Variants in TMEM165 observed in about 807,000 individuals in gnomAD.
TMEM165 encodes transmembrane protein 165.
In TMEM165, 19 loss-of-function variants were observed where a neutral mutation model predicts 30.0. The observed-to-expected ratio is 0.63, with a 90% confidence interval of 0.44 to 0.93. The LOEUF (loss-of-function observed/expected upper bound fraction) is 0.93. Ranked by LOEUF, TMEM165 falls within the 40% of genes least tolerant of loss-of-function variation. TMEM165 has a pLI of 0.00. For synonymous variants in TMEM165, 168 were observed against 162.9 expected (o/e 1.03, Z -0.24); for missense variants, 340 against 417.0 (o/e 0.82, Z 1.61).
intron 3 of TMEM165, among the ~76,000 whole-genome samples, chr4:55,439,681 GGAAA>G (rs1243861177): frequency 6.6e-6 from 1 of 152,102 alleles, no homozygotes. Context: ...GCCTTAAAAA[GGAAA>G]GAAATTCTGA....
At chr4:55,428,028 G>A (rs1223439987), downstream of TMEM165, 1 of 152,156 alleles carries the variant, frequency 6.6e-6, no homozygotes, top group Non-Finnish European at 1.5e-5. Context: ...GAAAAACATA[G>A]CACTGAGGTA....
At chr4:55,435,625 T>C in intron 3 of TMEM165, 1 of 1,609,188 alleles carries the variant, frequency 6.2e-7, no homozygotes, top group Non-Finnish European at 8.5e-7. Flanking sequence ...GCAGCATTGC[T>C]TTACTCCCTT....
intron 3 of TMEM165, among the ~76,000 whole-genome samples, chr4:55,445,530 T>C (rs2109707651): frequency 6.6e-6 from 1 of 150,914 alleles, no homozygotes; most frequent in East Asian, 2.0e-4. Context: ...TTGGGTACTC[T>C]CCATCTACCT....
rs751885045 is a variant in TMEM165 at position 55,417,904 on chromosome 4, T to C, written c.711T>C (p.Phe237=). 2 of 1,614,196 alleles carry C rather than the reference T, an allele frequency of 1.2e-6. No individual in the cohort carries two copies. Among genetic ancestry groups the C allele is most frequent in the Non-Finnish European group, 1.7e-6 (2 of 1,180,024 alleles). Residue 237 remains phenylalanine (F), a synonymous_variant, in exon 4 of 6, where the codon TTT becomes TTC. Coordinates refer to ENST00000381334, the MANE Select transcript of TMEM165 (RefSeq NM_018475.5). ...KKWLHFISPI[F]VQALTLTFLA... ...GGTTGCATTTTATTTCACCCATTTTTGTTCAAGCTCTTACATTAACATTCT... is the reference window on the plus strand; with the variant it reads ...GGTTGCATTTTATTTCACCCATTTTCGTTCAAGCTCTTACATTAACATTCT...
At chr4:55,438,237 T>C in intron 3 of TMEM165, 1 of 1,607,038 alleles carries the variant, frequency 6.2e-7, no homozygotes, top group Non-Finnish European at 8.5e-7. Context: ...TTTCATTACA[T>C]GAAAGTAAAT....
At chr4:55,423,465 C>G (rs538463782) in intron 4 of TMEM165, 11 of 152,178 alleles carry the variant, frequency 7.2e-5, no homozygotes, top group African/African-American at 2.4e-4. Context: ...GGGTCTTGCT[C>G]TGTTGCCCAG....
chr4:55,404,960 C>G (rs1370878676), intron 1 of TMEM165, among the ~76,000 whole-genome samples: 2 of 152,120 alleles, frequency 1.3e-5, no homozygotes, highest in Middle Eastern at 3.2e-3. Context: ...GAAAATATCT[C>G]GCATCTAGTT....
intron 1 of TMEM165, among the ~76,000 whole-genome samples, 160 bp from the exon 2 acceptor site, chr4:55,411,454 G>T (rs1207814310): frequency 6.6e-6 from 1 of 152,282 alleles, no homozygotes; most frequent in East Asian, 1.9e-4. Flanking sequence ...ACCATCGTCA[G>T]AGGTTACCGT....
chr4:55,446,101 CT>C (rs766235766), intron 3 of TMEM165, among the ~76,000 whole-genome samples: 11,460 of 107,286 alleles, frequency 0.11, 1,278 homozygotes, highest in African/African-American at 0.38. Flanking sequence ...AATTTAACTT[CT>C]TTTTTTTTTT....
chr4:55,421,625 T>TATA (rs1350710433), intron 4 of TMEM165, among the ~76,000 whole-genome samples: 3 of 152,210 alleles, frequency 2.0e-5, no homozygotes, highest in African/African-American at 7.2e-5. Flanking sequence ...GGTAGCAGTT[T>TATA]ATAATACACA....
chr4:55,422,437 TAGTA>T (rs1722020082), intron 4 of TMEM165, among the ~76,000 whole-genome samples: 1 of 152,122 alleles, frequency 6.6e-6, no homozygotes, highest in Non-Finnish European at 1.5e-5. Context: ...TTTGTATTTT[TAGTA>T]AAGATGGGGT....
At position 55,411,855 on chromosome 4, in the gene TMEM165, C is replaced by G; in HGVS notation, c.433+16C>G. 6.2e-7 allele frequency: 1 copy of G among 1,611,892 alleles called. No homozygotes were observed. Among genetic ancestry groups the G allele is most frequent in the South Asian group, 1.1e-5 (1 of 91,012 alleles). On this transcript the variant is annotated intron_variant, in intron 2 of 5. Coordinates refer to ENST00000381334, the MANE Select transcript of TMEM165 (RefSeq NM_018475.5). ...TGCTTGTCAGGTGAGTGTGCTTTTC[C>G]CTCTCATGAGTTCGCTGAATTAAAG... is the stretch of plus-strand genomic sequence containing the variant.
rs1723472255 is a variant in TMEM165, at chr4:55,442,715, C to T, written c.409-9524C>T. The T allele has an allele frequency of 3.4e-5, 38 of 1,130,240 alleles. 2 individuals are homozygous for T. In the South Asian group the frequency reaches 4.9e-4, roughly 15 times the overall value. 70.0% of individuals were successfully genotyped at this position (1,130,240 alleles called of 1,614,324 possible). On this transcript the variant is annotated intron_variant, in intron 3 of 3. Transcript: ENST00000608091. ...AGTATGCTAGAATTCATCATTCTAA[C>T]AATATGACAATATGACAGAGAAAGA...
chr4:55,418,897 T>G (rs1269993840), intron 4 of TMEM165, among the ~76,000 whole-genome samples: 2 of 151,790 alleles, frequency 1.3e-5, no homozygotes, highest in Non-Finnish European at 2.9e-5. Flanking sequence ...ATACAAAAAT[T>G]AGCCGGGCAA....
intron 3 of TMEM165, chr4:55,450,300 G>A: frequency 1.9e-6 from 3 of 1,583,404 alleles, no homozygotes; most frequent in Non-Finnish European, 2.6e-6. Flanking sequence ...TCACAATACT[G>A]TTAACAACAA....
At chr4:55,399,922 ATTC>A (rs1720880984) in intron 1 of TMEM165, among the ~76,000 whole-genome samples, 1 of 150,698 alleles carries the variant, frequency 6.6e-6, no homozygotes, top group Non-Finnish European at 1.5e-5. Flanking sequence ...ATTTTCATAT[ATTC>A]TTGGTGATTC....
chr4:55,416,967 A>T, intron 2 of TMEM165, 105 bp from the exon 3 acceptor site: 1 of 978,482 alleles, frequency 1.0e-6, no homozygotes, highest in East Asian at 2.6e-5. Flanking sequence ...TTCTAATGTG[A>T]ACCATTTTTC....
intron 1 of TMEM165, among the ~76,000 whole-genome samples, chr4:55,400,376 T>TATA (rs151178143): frequency 8.9e-6 from 1 of 112,960 alleles, no homozygotes; most frequent in Admixed American, 1.3e-4. Context: ...ATTATATTAA[T>TATA]ATAATAATAA....
At chr4:55,428,517 T>C (rs866561951), downstream of TMEM165, 3 of 152,234 alleles carry the variant, frequency 2.0e-5, no homozygotes, top group African/African-American at 4.8e-5. Flanking sequence ...GCCTTTCGTT[T>C]CTATAAATCA....
Sources: gnomAD v4.1 joint callset for allele counts (sites outside exome capture counted in the v4.1 genomes callset) on GRCh38, gnomAD v4.1.1 for gene constraint, MANE v1.5 for transcripts, NCBI Gene and HGNC (gene_info 2026-07-23, HGNC 2026-07-21) for gene names.